Variants in CCM2L observed in about 807,000 individuals in gnomAD.
CCM2L encodes CCM2 like scaffold protein.
Under a neutral mutation model 54.1 loss-of-function variants are expected in CCM2L, and 36 were observed. The ratio of observed to expected loss-of-function variants is 0.67; its 90% CI spans 0.51 to 0.88. The LOEUF (loss-of-function observed/expected upper bound fraction) is 0.88, where lower values mean the gene tolerates loss of function less well. Ranked by LOEUF, CCM2L falls within the 40% of genes least tolerant of loss-of-function variation. The probability of loss-of-function intolerance (pLI) is 0.00; values close to 1 mark genes in which losing one functional copy is unlikely to be tolerated. For missense variants in CCM2L, 700 were observed against 812.1 expected (o/e 0.86, Z 1.68); for synonymous variants, 351 against 359.3 (o/e 0.98, Z 0.26).
At chr20:32,021,280 T>C (rs977863856) in intron 5 of CCM2L, among the ~76,000 whole-genome samples, 4 of 152,228 alleles carry the variant, frequency 2.6e-5, no homozygotes, top group Non-Finnish European at 5.9e-5. Context: ...GGAAATAGGA[T>C]TCCAGACAAA....
intron 6 of CCM2L, among the ~76,000 whole-genome samples, chr20:32,025,573 T>C (rs1019093853): frequency 6.6e-6 from 1 of 152,220 alleles, no homozygotes; most frequent in Non-Finnish European, 1.5e-5. Context: ...TTTTTCTTTT[T>C]TTTTGTCTTG....
rs528118628 is a variant in CCM2L, at chr20:32,031,441, C to A, written c.*127C>A. 8.1e-6 allele frequency: 6 copies of A among 744,332 alleles called. No individual in the cohort carries two copies. The African/African-American group carries it at 1.1e-4, about 14-fold the overall frequency. The allele number at this position is 744,332 out of a possible 1,614,324, so 46.1% of individuals were successfully genotyped here. On this transcript the variant is annotated 3_prime_UTR_variant, in exon 10 of 10. Transcript: ENST00000452892. Reference sequence around the variant, plus strand: ...CCGGGGGGTCTTCACTCCAGGGTCTCGCTCCCTGCCCTTGGGGCCCGGGGC... The same window carrying A: ...CCGGGGGGTCTTCACTCCAGGGTCTAGCTCCCTGCCCTTGGGGCCCGGGGC...
rs1364242332 is a variant in CCM2L, at chr20:32,014,261, A to ATATATAT, written c.31-642_31-641insATATATT. The stretch of plus-strand genomic sequence containing the variant: ...TATGTGTGTACATATATATATATAT[A>ATATATAT]TTTTTTTTTTTTTTTTGAGACAGAG... On this transcript the variant is annotated intron_variant, in intron 1 of 9. Coordinates refer to ENST00000452892, the MANE Select transcript of CCM2L (RefSeq NM_001365692.1). 8.3e-5 allele frequency among the ~76,000 whole-genome samples: 11 copies of ATATATAT among 132,224 alleles called. No individual in the cohort carries two copies. In the East Asian group the frequency reaches 1.4e-3, roughly 17 times the overall value. The allele number at this position is 132,224 out of a possible 152,430, so 86.7% of individuals were successfully genotyped here.
At chr20:32,021,591 G>A (rs1053674002) in intron 5 of CCM2L, among the ~76,000 whole-genome samples, 1 of 152,142 alleles carries the variant, frequency 6.6e-6, no homozygotes, top group African/African-American at 2.4e-5. Flanking sequence ...AGGAGGTTGA[G>A]GCTGCAGTGA....
intron 2 of CCM2L, among the ~76,000 whole-genome samples, chr20:32,015,923 C>G (rs1351651895): frequency 6.9e-6 from 1 of 144,928 alleles, no homozygotes; most frequent in Non-Finnish European, 1.5e-5. Flanking sequence ...GTGGCACGAT[C>G]TTGGCTCACT....
chr20:32,016,684 C>T (rs1445481084), intron 2 of CCM2L, among the ~76,000 whole-genome samples: 1 of 152,104 alleles, frequency 6.6e-6, no homozygotes, highest in African/African-American at 2.4e-5. Context: ...TTGTTGTTTT[C>T]AAGTTCAAAT....
In CCM2L at chr20:32,018,942, G is replaced by A; in HGVS notation, c.467-1G>A. On this transcript the variant is annotated splice_acceptor_variant, in intron 4 of 9. Coordinates refer to ENST00000452892, the MANE Select transcript of CCM2L (RefSeq NM_001365692.1). LOFTEE classifies it high-confidence loss of function. ...GCTGACGGTCCCCCGGACTCTCCTA[G>A]GTCTGGGTGTGGACCCGGTGCCGGC... 6 of 1,388,210 alleles carry A rather than the reference G, an allele frequency of 4.3e-6. No homozygotes were observed. Among genetic ancestry groups the A allele is most frequent in the Non-Finnish European group, 5.6e-6 (6 of 1,075,110 alleles). 86.0% of individuals were successfully genotyped at this position (1,388,210 alleles called of 1,614,324 possible).
intron 6 of CCM2L, among the ~76,000 whole-genome samples, chr20:32,025,059 CT>C (rs1383893060): frequency 7.9e-6 from 1 of 127,354 alleles, no homozygotes; most frequent in African/African-American, 3.8e-5. Flanking sequence ...CTTTCTTCTT[CT>C]TTCTTTCTTT....
In CCM2L at chr20:32,021,692, A is replaced by G. The variant is rs1966056378; in HGVS notation, c.934-968A>G. 2.0e-5 allele frequency among the ~76,000 whole-genome samples: 3 copies of G among 152,100 alleles called. No individual in the cohort carries two copies. The South Asian group carries it at 6.2e-4, about 32-fold the overall frequency. ...GGGTTGTCTGAGCATCTGGCTTCTT[A>G]TCTGAGTCATCCTGGTCCTAAGAAG... On this transcript the variant is annotated intron_variant, in intron 5 of 9. Transcript: ENST00000452892.
Position 32,019,152 on chromosome 20 carries a change from C to A in CCM2L, c.676C>A (p.Arg226Ser). 1 of 1,117,836 alleles carries A rather than the reference C, an allele frequency of 8.9e-7. No homozygotes were observed. Among genetic ancestry groups the A allele is most frequent in the Non-Finnish European group, 1.1e-6 (1 of 909,980 alleles). 69.2% of individuals were successfully genotyped at this position (1,117,836 alleles called of 1,614,324 possible). A position where few individuals can be genotyped will look rare whatever the true frequency, so the allele number is the denominator to read the frequency against. ...GGGAGGCGGCGGCGGCAGCTTGGAG[C>A]GCCAGCGCGCCGGGGCGCGGGCGTC... ...AGGGGGGSLE[R>S]QRAGARASGS... The change falls in exon 5 of 10, where the codon CGC (arginine) becomes AGC (serine). Residue 226 changes from arginine to serine, a missense_variant. Physicochemically the swap from Arg to Ser is moderately radical, Grantham distance 110. Transcript: ENST00000452892.
chr20:32,029,044 C>T lies in CCM2L; in HGVS notation c.1183C>T (p.Pro395Ser). Reference protein sequence around the residue: ...FEACYSGTSTPSFHGSHCSGS... With the variant: ...FEACYSGTSTSSFHGSHCSGS... ...AGCATGTTACAGCGGCACGTCCACA[C>T]CTTCTTTCCATGGCTCCCACTGCAG... The change falls in exon 8 of 10, where the codon CCT becomes TCT. Residue 395 changes from proline to serine, a missense_variant. Physicochemically the swap from Pro to Ser is moderately conservative, Grantham distance 74. Transcript: ENST00000452892. 6.2e-7 allele frequency: 1 copy of T among 1,614,150 alleles called. No homozygotes were observed. The highest frequency in any genetic ancestry group is 1.1e-5 in the South Asian group (1 of 91,082).
intron 7 of CCM2L, 33 bp from the exon 8 acceptor site, chr20:32,028,962 G>T (rs1162954130): frequency 6.2e-7 from 1 of 1,612,532 alleles, no homozygotes; most frequent in Admixed American, 1.7e-5. Context: ...GCTGGAGGGA[G>T]GCGAGTGAAG....
At chr20:32,030,695 C>T (rs551854244) in intron 9 of CCM2L, among the ~76,000 whole-genome samples, 6 of 151,712 alleles carry the variant, frequency 4.0e-5, no homozygotes, top group East Asian at 1.9e-4. Flanking sequence ...ATTAGCAGGG[C>T]GTGGTGGTGT....
chr20:32,013,496 C>T (rs781509373), intron 1 of CCM2L, among the ~76,000 whole-genome samples: 5 of 152,008 alleles, frequency 3.3e-5, no homozygotes, highest in Non-Finnish European at 7.4e-5. Context: ...GGCTGGAGTA[C>T]GGTGTTGCAA....
intron 1 of CCM2L, 63 bp downstream of exon 1, chr20:32,010,547 A>C: frequency 1.1e-6 from 1 of 904,268 alleles, no homozygotes. Context: ...GAAGGGGGCA[A>C]ACTGGGGCGG....
At chr20:32,027,688 G>A (rs985964562) in intron 7 of CCM2L, 1 of 152,302 alleles carries the variant, frequency 6.6e-6, no homozygotes, top group Middle Eastern at 3.4e-3. Context: ...AAAGCTACAC[G>A]GCTTCTTTGT....
At chr20:32,018,897 T>C (rs907932970) in intron 4 of CCM2L, 46 bp from the exon 5 acceptor site, 2 of 1,254,034 alleles carry the variant, frequency 1.6e-6, no homozygotes, top group Admixed American at 8.6e-5. Context: ...CGGGGGGGTC[T>C]CTGAGTCCCG....
chr20:32,025,712 G>C (rs2064853115), intron 6 of CCM2L, 144 bp from the exon 7 acceptor site: 2 of 439,154 alleles, frequency 4.6e-6, no homozygotes, highest in African/African-American at 4.0e-5. Flanking sequence ...GGAGAGGGGA[G>C]GGGAGTTCCC....
intron 9 of CCM2L, 58 bp from the exon 10 acceptor site, chr20:32,030,943 C>G: frequency 7.8e-7 from 1 of 1,282,666 alleles, no homozygotes; most frequent in Non-Finnish European, 1.0e-6. Context: ...AGGACGCTTC[C>G]CCTGTGGAAG....
Sources: allele counts gnomAD v4.1 joint callset (sites outside exome capture counted in the v4.1 genomes callset), GRCh38; gene constraint gnomAD v4.1.1; transcripts MANE v1.5; gene names NCBI Gene and HGNC (gene_info 2026-07-23, HGNC 2026-07-21).